The following THSD7B variants were observed in gnomAD, a reference collection of about 807,000 sequenced individuals.
THSD7B encodes thrombospondin type 1 domain containing 7B.
In THSD7B, 138 loss-of-function variants were observed where a neutral mutation model predicts 213.6. The ratio of observed to expected loss-of-function variants is 0.65; its 90% CI spans 0.56 to 0.74. The LOEUF is 0.74. Among genes scored for constraint, THSD7B ranks in the 30% least tolerant of loss-of-function variants. THSD7B has a pLI of 0.00. For synonymous variants in THSD7B, 742 were observed against 687.0 expected (o/e 1.08, Z -1.25); for missense variants, 1,931 against 1,991.5 (o/e 0.97, Z 0.58).
At chr2:137,064,709 C>T (rs1269658536) in intron 3 of THSD7B, among the ~76,000 whole-genome samples, 1 of 151,960 alleles carries the variant, frequency 6.6e-6, no homozygotes, top group Non-Finnish European at 1.5e-5. Flanking sequence ...GGTCTAGTTT[C>T]ATTCTTCTGC....
In THSD7B at chr2:137,638,608, G is replaced by A. The variant is rs1453101526; in HGVS notation, c.3800-3880G>A. 2.0e-5 allele frequency among the ~76,000 whole-genome samples: 3 copies of A among 152,148 alleles called. No individual in the cohort carries two copies. The East Asian group carries it at 5.8e-4, about 29-fold the overall frequency. On this transcript the variant is annotated intron_variant, in intron 20 of 27. Transcript: ENST00000409968. ...GAAGCGACTTTGGAACTAGGTAACA[G>A]GCAGAGGGCTCAGAAGAAGACAAGA... is the stretch of plus-strand genomic sequence containing the variant.
At chr2:136,782,253 C>T (rs1681755815) in intron 1 of THSD7B, among the ~76,000 whole-genome samples, 1 of 152,186 alleles carries the variant, frequency 6.6e-6, no homozygotes, top group African/African-American at 2.4e-5. Flanking sequence ...GTGTGCGCTT[C>T]TGCTGCGTTT....
intron 12 of THSD7B, among the ~76,000 whole-genome samples, chr2:137,358,190 G>C (rs757421531): frequency 6.6e-6 from 1 of 152,134 alleles, no homozygotes; most frequent in Non-Finnish European, 1.5e-5. Flanking sequence ...TTGTTTGCTT[G>C]TTTGGTTTTG....
intron 2 of THSD7B, among the ~76,000 whole-genome samples, chr2:136,942,440 C>T (rs1316503805): frequency 2.6e-5 from 4 of 152,054 alleles, no homozygotes; most frequent in Non-Finnish European, 5.9e-5. Flanking sequence ...TTATCTTGGG[C>T]AGTAAGGCCA....
chr2:137,293,144 C>CT (rs57223493), intron 12 of THSD7B, among the ~76,000 whole-genome samples: 8,412 of 146,808 alleles, frequency 0.057, 595 homozygotes, highest in African/African-American at 0.17. Context: ...GACAGATAGT[C>CT]TTTTTTTTTT....
chr2:137,445,729 ATTG>A lies in THSD7B; in HGVS notation c.2960-5111_2960-5109del, dbSNP rs552600513. 5.9e-5 allele frequency among the ~76,000 whole-genome samples: 9 copies of A among 152,050 alleles called. No homozygotes were observed. In the East Asian group the frequency reaches 1.4e-3, roughly 23 times the overall value. On this transcript the variant is annotated intron_variant, in intron 14 of 27. Transcript: ENST00000409968. ...AATAGGGCAACTATAGATAACAATAATTGTTGTACATTTCAAAAAAGTATGAGT... is the reference window on the plus strand; with the variant it reads ...AATAGGGCAACTATAGATAACAATAATTGTACATTTCAAAAAAGTATGAGT...
At chr2:136,873,963 G>T (rs1683485656) in intron 1 of THSD7B, among the ~76,000 whole-genome samples, 1 of 152,142 alleles carries the variant, frequency 6.6e-6, no homozygotes, top group African/African-American at 2.4e-5. Context: ...GATGGCCTTG[G>T]AATATTGATT....
chr2:137,581,365 A>G (rs1468887773), intron 17 of THSD7B, among the ~76,000 whole-genome samples: 1 of 152,180 alleles, frequency 6.6e-6, no homozygotes, highest in Non-Finnish European at 1.5e-5. Flanking sequence ...AGGCGGGCAG[A>G]TCACCTGAGG....
intron 4 of THSD7B, among the ~76,000 whole-genome samples, chr2:137,112,095 C>T (rs1245142663): frequency 6.6e-6 from 1 of 152,084 alleles, no homozygotes; most frequent in African/African-American, 2.4e-5. Context: ...AAGGGAGTAA[C>T]GTTTAGCTGA....
In THSD7B at chr2:137,554,963, G is replaced by A. The variant is rs368558405; in HGVS notation, c.3139-8258G>A. On this transcript the variant is annotated intron_variant, in intron 15 of 27. Transcript: ENST00000409968. The stretch of plus-strand genomic sequence containing the variant: ...CCGCTCACTGCTAGCACAGCAGTCT[G>A]AGATCAAACTGAGGCAACAGCAAGT... 5.3e-5 allele frequency among the ~76,000 whole-genome samples: 8 copies of A among 152,336 alleles called. No homozygotes were observed. In the South Asian group the frequency reaches 1.4e-3, roughly 28 times the overall value.
At chr2:137,331,748 G>A (rs1350094068) in intron 12 of THSD7B, among the ~76,000 whole-genome samples, 1 of 152,224 alleles carries the variant, frequency 6.6e-6, no homozygotes, top group Non-Finnish European at 1.5e-5. Context: ...CCCAAGCCCT[G>A]CCCCGAGGGA....
chr2:137,637,638 A>G (rs1019894241), intron 20 of THSD7B, among the ~76,000 whole-genome samples: 1 of 152,136 alleles, frequency 6.6e-6, no homozygotes, highest in Admixed American at 6.5e-5. Flanking sequence ...TTGAGACTTC[A>G]TTATTTTAAA....
intron 15 of THSD7B, among the ~76,000 whole-genome samples, chr2:137,521,603 G>A (rs74416638): frequency 0.023 from 3,557 of 152,216 alleles, 153 homozygotes; most frequent in African/African-American, 0.082. Context: ...GAATAAAGTT[G>A]TTAGTGTCTC....
chr2:137,315,604 G>T (rs12990401), intron 12 of THSD7B, among the ~76,000 whole-genome samples: 58,788 of 151,728 alleles, frequency 0.39, 11,834 homozygotes, highest in Non-Finnish European at 0.44. Context: ...TTCGTTTCTA[G>T]ATTTGGTATT....
chr2:137,328,002 G>A lies in THSD7B; in HGVS notation c.2500+51976G>A, dbSNP rs151037690. On this transcript the variant is annotated intron_variant, in intron 12 of 27. Coordinates refer to ENST00000409968, the MANE Select transcript of THSD7B (RefSeq NM_001316349.2). Reference sequence around the variant, plus strand: ...CACTGAGGCAAAGAATTACAAAGCCGTTGCAATGTTTCTCCCTCATTGATA... The same window carrying A: ...CACTGAGGCAAAGAATTACAAAGCCATTGCAATGTTTCTCCCTCATTGATA... 5.2e-3 allele frequency among the ~76,000 whole-genome samples: 793 copies of A among 152,234 alleles called. 5 individuals carry two copies. Among genetic ancestry groups the A allele is most frequent in the African/African-American group, 0.018 (749 of 41,534 alleles).
intron 12 of THSD7B, among the ~76,000 whole-genome samples, chr2:137,338,268 G>A (rs1328320639): frequency 1.3e-5 from 2 of 151,920 alleles, no homozygotes; most frequent in South Asian, 2.1e-4. Flanking sequence ...TTTGCATGGC[G>A]AATAGCTTCT....
At chr2:137,254,914 C>A (rs1281218465) in intron 10 of THSD7B, among the ~76,000 whole-genome samples, 1 of 151,664 alleles carries the variant, frequency 6.6e-6, no homozygotes, top group Non-Finnish European at 1.5e-5. Flanking sequence ...TATGTCGAGA[C>A]AGAGAAAGAG....
chr2:137,310,754 A>C (rs1407150654), intron 12 of THSD7B, among the ~76,000 whole-genome samples: 1 of 151,800 alleles, frequency 6.6e-6, no homozygotes, highest in Non-Finnish European at 1.5e-5. Context: ...CCATTTATTA[A>C]ATAGGGAATC....
At chr2:137,130,832 T>A (rs12996753) in intron 5 of THSD7B, among the ~76,000 whole-genome samples, 62,350 of 105,652 alleles carry the variant, frequency 0.59, 20,256 homozygotes, top group Non-Finnish European at 0.74. Flanking sequence ...AGTGCCACAA[T>A]AAACATACGT....
Sources: gnomAD v4.1 joint callset for allele counts (sites outside exome capture counted in the v4.1 genomes callset) on GRCh38, gnomAD v4.1.1 for gene constraint, MANE v1.5 for transcripts, NCBI Gene and HGNC (gene_info 2026-07-23, HGNC 2026-07-21) for gene names.